The following EXOC2 variants were observed in gnomAD, a reference collection of about 807,000 sequenced individuals.
EXOC2 encodes the protein SEC5-like 1.
In EXOC2, 70 loss-of-function variants were observed where a neutral mutation model predicts 131.8. That is an observed-to-expected ratio of 0.53 (90% CI 0.44 to 0.65). EXOC2 has a LOEUF of 0.65. Ranked by LOEUF, EXOC2 falls within the 30% of genes least tolerant of loss-of-function variation. EXOC2 has a pLI of 0.00. For missense variants in EXOC2, 923 were observed against 1,108.6 expected (o/e 0.83, Z 2.38); for synonymous variants, 411 against 398.4 (o/e 1.03, Z -0.38).
chr6:583,160 TAAAGG>T (rs1253605542), intron 11 of EXOC2, among the ~76,000 whole-genome samples: 1 of 152,140 alleles, frequency 6.6e-6, no homozygotes, highest in East Asian at 1.9e-4. Context: ...TTAGAACATA[TAAAGG>T]AATTACAAAA....
intron 1 of EXOC2, among the ~76,000 whole-genome samples, chr6:692,716 G>C (rs939471687): frequency 1.3e-5 from 2 of 152,128 alleles, no homozygotes; most frequent in East Asian, 1.9e-4. Context: ...CAGCTCCAGC[G>C]GGCGGGGCCT....
At chr6:618,351 A>G (rs571079488) in intron 5 of EXOC2, among the ~76,000 whole-genome samples, 1 of 152,330 alleles carries the variant, frequency 6.6e-6, no homozygotes, top group East Asian at 1.9e-4. Flanking sequence ...TTCACAACTT[A>G]AATAACTAGG....
At chr6:626,618 C>T (rs1761581906) in intron 4 of EXOC2, among the ~76,000 whole-genome samples, 1 of 151,760 alleles carries the variant, frequency 6.6e-6, no homozygotes. Context: ...TTGAGACAGA[C>T]TCTCACTCTG....
chr6:656,830 G>A (rs1305436973), intron 1 of EXOC2: 3 of 1,610,298 alleles, frequency 1.9e-6, no homozygotes, highest in African/African-American at 1.3e-5. Context: ...CCGAAGCACA[G>A]GCTGTCAGGG....
At position 576,072 on chromosome 6, in the gene EXOC2, A is replaced by C. The variant is rs149848431; in HGVS notation, c.1318+685T>G. 3.6e-3 allele frequency among the ~76,000 whole-genome samples: 552 copies of C among 152,320 alleles called. 2 individuals carry two copies. Among genetic ancestry groups the C allele is most frequent in the African/African-American group, 0.013 (534 of 41,564 alleles). On this transcript the variant is annotated intron_variant, in intron 12 of 27. Coordinates refer to ENST00000230449, the MANE Select transcript of EXOC2 (RefSeq NM_018303.6). ...TGCAATGCTTGTTAAGAATAATATA[A>C]GACATTTTAAAACAACTGTACAGGT...
At chr6:572,945 A>T (rs1385293381) in intron 12 of EXOC2, among the ~76,000 whole-genome samples, 1 of 152,200 alleles carries the variant, frequency 6.6e-6, no homozygotes, top group Non-Finnish European at 1.5e-5. Flanking sequence ...GGCTACCGAG[A>T]GGAGGTGGCT....
intron 6 of EXOC2, among the ~76,000 whole-genome samples, chr6:615,337 T>C (rs1760940689): frequency 6.6e-6 from 1 of 151,936 alleles, no homozygotes; most frequent in African/African-American, 2.4e-5. Flanking sequence ...TCCTGCCTGG[T>C]GTGATGAAAC....
intron 7 of EXOC2, among the ~76,000 whole-genome samples, chr6:608,589 A>G (rs1760550046): frequency 6.6e-6 from 1 of 152,202 alleles, no homozygotes; most frequent in Non-Finnish European, 1.5e-5. Context: ...GAATATATGG[A>G]AAAAGGCAAT....
At chr6:531,059 T>C (rs948821335) in intron 23 of EXOC2, among the ~76,000 whole-genome samples, 2 of 152,234 alleles carry the variant, frequency 1.3e-5, no homozygotes, top group Admixed American at 1.3e-4. Context: ...CCTGTGGGGA[T>C]GCTACCTTGT....
chr6:648,109 T>A (rs898148131), intron 1 of EXOC2, among the ~76,000 whole-genome samples: 8 of 152,154 alleles, frequency 5.3e-5, no homozygotes, highest in African/African-American at 1.9e-4. Flanking sequence ...TATAAGAACA[T>A]ATCTGCTTTT....
chr6:615,182 G>GGTGTGTGTGTGTGT lies in EXOC2; in HGVS notation c.661+2515_661+2528dup, dbSNP rs201428433. ...GGTTTGAAAAGTATATGTGGGTGTGGGTGTGTGTGTGTGTGTGTGTGTGTG... is the reference window on the plus strand; with the variant it reads ...GGTTTGAAAAGTATATGTGGGTGTGGGTGTGTGTGTGTGTGTGTGTGTGTGTGTGTGTGTGTGTG... On this transcript the variant is annotated intron_variant, in intron 6 of 27. Transcript: ENST00000230449. Among the ~76,000 whole-genome samples the GGTGTGTGTGTGTGT allele has an allele frequency of 7.8e-4, 95 of 121,106 alleles. 1 individual carries two copies. The highest frequency in any genetic ancestry group is 3.5e-3 in the African/African-American group (92 of 26,338). The allele number at this position is 121,106 out of a possible 152,430, so 79.5% of individuals were successfully genotyped here.
intron 11 of EXOC2, among the ~76,000 whole-genome samples, chr6:589,920 C>T (rs1430808726): frequency 5.3e-5 from 8 of 152,204 alleles, no homozygotes; most frequent in Non-Finnish European, 8.8e-5. Flanking sequence ...TCCTGGCTAA[C>T]ACCGTGATGG....
intron 23 of EXOC2, among the ~76,000 whole-genome samples, chr6:505,722 T>C (rs913091631): frequency 1.1e-4 from 17 of 152,156 alleles, no homozygotes; most frequent in Admixed American, 7.2e-4. Context: ...GTCTCTCCTA[T>C]TGGACCGTAC....
chr6:554,045 C>A, intron 20 of EXOC2, 125 bp from the exon 21 acceptor site: 1 of 532,106 alleles, frequency 1.9e-6, no homozygotes. Flanking sequence ...AGTCACATAA[C>A]TTTTTTTTTT....
At chr6:686,738 T>C (rs9504758) in intron 1 of EXOC2, among the ~76,000 whole-genome samples, 21,774 of 152,234 alleles carry the variant, frequency 0.14, 1,725 homozygotes, top group African/African-American at 0.21. Flanking sequence ...TAGCATGCCA[T>C]GTCTCCTCCT....
intron 6 of EXOC2, among the ~76,000 whole-genome samples, chr6:613,106 C>T (rs1191187149): frequency 6.6e-6 from 1 of 152,174 alleles, no homozygotes; most frequent in Admixed American, 6.5e-5. Context: ...AGGTCACTCC[C>T]ACTTCAAGGG....
rs546643012 is a variant in EXOC2 at position 623,260 on chromosome 6, C to G, written c.423-3717G>C. Reference sequence around the variant, plus strand: ...CTGGAGCTGGATTCTGAGATTCGAGCCCCACCCACCCGCCAGCACCCCTAC... The same window carrying G: ...CTGGAGCTGGATTCTGAGATTCGAGGCCCACCCACCCGCCAGCACCCCTAC... On this transcript the variant is annotated intron_variant, in intron 4 of 27. Transcript: ENST00000230449. Among the ~76,000 whole-genome samples, 8 of 152,308 alleles carry G rather than the reference C, an allele frequency of 5.3e-5. No homozygotes were observed. In the East Asian group the frequency reaches 1.5e-3, roughly 29 times the overall value.
At chr6:489,421 G>C (rs1763291795) in intron 26 of EXOC2, among the ~76,000 whole-genome samples, 1 of 152,202 alleles carries the variant, frequency 6.6e-6, no homozygotes, top group Non-Finnish European at 1.5e-5. Context: ...ATGACCTTCT[G>C]AAAGATGACA....
At position 553,861 on chromosome 6, in the gene EXOC2, A is replaced by G; in HGVS notation, c.2114T>C (p.Leu705Ser). ...AGTTATCGTCTGACTTACTGAGGTC[A>G]AGCTGAAGTCTTCATGGATACTTCC... is the stretch of plus-strand genomic sequence containing the variant. ...LFGSIHEDFSLTSEQRLLIVL... is the reference protein window; with the variant it reads ...LFGSIHEDFSSTSEQRLLIVL... Residue 705 changes from leucine (L) to serine (S), a missense_variant, in exon 21 of 28, where the codon TTG (leucine) becomes TCG (serine). Transcript: ENST00000230449. 6.2e-7 allele frequency: 1 copy of G among 1,613,768 alleles called. No individual in the cohort carries two copies. Among genetic ancestry groups the G allele is most frequent in the Non-Finnish European group, 8.5e-7 (1 of 1,179,664 alleles).
Sources: gnomAD v4.1 joint callset for allele counts (sites outside exome capture counted in the v4.1 genomes callset) on GRCh38, gnomAD v4.1.1 for gene constraint, MANE v1.5 for transcripts, NCBI Gene and HGNC (gene_info 2026-07-23, HGNC 2026-07-21) for gene names.